SLC35D4: variants seen among roughly 807,000 people sequenced by gnomAD.
The protein encoded by SLC35D4 is UDP-N-acetylglucosamine transporter SLC35D4.
chr18:23,403,627 G>A, the SLC35D4 span, among the ~76,000 whole-genome samples: 1 of 152,242 alleles, frequency 6.6e-6, no homozygotes, highest in Non-Finnish European at 1.5e-5. Flanking sequence ...GTAGTACGGA[G>A]AACACGTTGG....
chr18:23,405,857 G>C, the SLC35D4 span, among the ~76,000 whole-genome samples: 1 of 152,202 alleles, frequency 6.6e-6, no homozygotes, highest in African/African-American at 2.4e-5. Flanking sequence ...TCACAATCCA[G>C]TGGGGTCAGA....
At chr18:23,301,736 G>A in the SLC35D4 span, among the ~76,000 whole-genome samples, 20 of 152,184 alleles carry the variant, frequency 1.3e-4, no homozygotes, top group African/African-American at 3.9e-4. Flanking sequence ...GAGAGGAGAG[G>A]AGTCACCATA....
the SLC35D4 span, among the ~76,000 whole-genome samples, chr18:23,278,923 G>A: frequency 6.6e-6 from 1 of 151,726 alleles, no homozygotes; most frequent in Non-Finnish European, 1.5e-5. Flanking sequence ...TGGGTTGGGA[G>A]GATTGCTTGA....
chr18:23,326,390 CA>C, the SLC35D4 span, among the ~76,000 whole-genome samples: 15 of 152,112 alleles, frequency 9.9e-5, no homozygotes, highest in African/African-American at 3.4e-4. Flanking sequence ...AAAAAAAGCA[CA>C]GGTTGCAATC....
the SLC35D4 span, among the ~76,000 whole-genome samples, chr18:23,378,027 A>G: frequency 6.6e-6 from 1 of 151,702 alleles, no homozygotes; most frequent in Non-Finnish European, 1.5e-5. Context: ...CTCTTGTTCT[A>G]TCTATCCATT....
chr18:23,251,270 T>G, the SLC35D4 span, among the ~76,000 whole-genome samples: 1 of 152,128 alleles, frequency 6.6e-6, no homozygotes, highest in Non-Finnish European at 1.5e-5. Context: ...CCAGCCAACA[T>G]GGCGAACCCC....
At chr18:23,309,236 G>A in the SLC35D4 span, among the ~76,000 whole-genome samples, 1 of 142,014 alleles carries the variant, frequency 7.0e-6, no homozygotes, top group Non-Finnish European at 1.5e-5. Context: ...GATTGTGTGT[G>A]TGTGTGTGTG....
the SLC35D4 span, chr18:23,309,882 T>C: frequency 1.9e-5 from 15 of 807,892 alleles, no homozygotes; most frequent in Non-Finnish European, 2.5e-5. Context: ...CCGTGTCCTT[T>C]TCCCCACACG....
chr18:23,383,116 G>A, the SLC35D4 span, among the ~76,000 whole-genome samples: 1 of 152,112 alleles, frequency 6.6e-6, no homozygotes. Flanking sequence ...CAGATGTCCG[G>A]GGAGAACCAT....
At chr18:23,288,836 T>C in the SLC35D4 span, among the ~76,000 whole-genome samples, 17 of 152,316 alleles carry the variant, frequency 1.1e-4, no homozygotes, top group South Asian at 8.3e-4. Flanking sequence ...ATATCCCTTA[T>C]GGTCCTGAGT....
chr18:23,299,636 C>G, the SLC35D4 span, among the ~76,000 whole-genome samples: 1 of 152,192 alleles, frequency 6.6e-6, no homozygotes, highest in Non-Finnish European at 1.5e-5. Context: ...AGCTGCTCTC[C>G]GGAGCAAGAG....
At chr18:23,398,573 C>G in the SLC35D4 span, among the ~76,000 whole-genome samples, 1 of 152,184 alleles carries the variant, frequency 6.6e-6, no homozygotes. Flanking sequence ...CAGGAAAGTT[C>G]TTCCCCATTG....
At chr18:23,298,669 T>G in the SLC35D4 span, among the ~76,000 whole-genome samples, 2 of 152,186 alleles carry the variant, frequency 1.3e-5, no homozygotes, top group Non-Finnish European at 2.9e-5. Context: ...TCTAATGTAA[T>G]ACAGCCAAAG....
At chr18:23,376,247 G>A in the SLC35D4 span, among the ~76,000 whole-genome samples, 3 of 152,238 alleles carry the variant, frequency 2.0e-5, no homozygotes, top group South Asian at 2.1e-4. Flanking sequence ...CTTGGCATGT[G>A]TAATCTTAGT....
the SLC35D4 span, among the ~76,000 whole-genome samples, chr18:23,270,887 A>G: frequency 2.0e-5 from 3 of 152,182 alleles, no homozygotes; most frequent in Non-Finnish European, 4.4e-5. Flanking sequence ...GAAACTTTGG[A>G]CTGTGGACTT....
the SLC35D4 span, among the ~76,000 whole-genome samples, chr18:23,322,268 T>A: frequency 6.6e-6 from 1 of 152,224 alleles, no homozygotes; most frequent in South Asian, 2.1e-4. Flanking sequence ...GTGCCTTGCA[T>A]GGGGAGCAGA....
chr18:23,335,810 C>T, the SLC35D4 span, among the ~76,000 whole-genome samples: 1 of 152,148 alleles, frequency 6.6e-6, no homozygotes, highest in Non-Finnish European at 1.5e-5. Flanking sequence ...AATTAACTGG[C>T]CTTTATGTTG....
chr18:23,403,036 G>A, the SLC35D4 span, among the ~76,000 whole-genome samples: 2 of 152,168 alleles, frequency 1.3e-5, no homozygotes, highest in Non-Finnish European at 2.9e-5. Context: ...GATCTGGGAG[G>A]TGGAGGTTGC....
chr18:23,371,491 A>G, the SLC35D4 span: 1 of 1,584,054 alleles, frequency 6.3e-7, no homozygotes, highest in Non-Finnish European at 8.6e-7. Flanking sequence ...AAATTAAAAA[A>G]AGAAAAAATG....
Sources: allele counts gnomAD v4.1 joint callset (sites outside exome capture counted in the v4.1 genomes callset), GRCh38; gene constraint gnomAD v4.1.1; transcripts MANE v1.5; gene names NCBI Gene and HGNC (gene_info 2026-07-23, HGNC 2026-07-21).